Variants in FNDC3B observed in about 807,000 individuals in gnomAD.
FNDC3B encodes fibronectin type III domain containing 3B.
A neutral mutation model predicts 151.5 loss-of-function variants in FNDC3B; 12 were observed. That is an observed-to-expected ratio of 0.08 (90% CI 0.05 to 0.13). The LOEUF is 0.13. Ranked by LOEUF, FNDC3B falls within the 10% of genes least tolerant of loss-of-function variation. FNDC3B has a pLI of 1.00. For synonymous variants in FNDC3B, 528 were observed against 549.0 expected (o/e 0.96, Z 0.54); for missense variants, 1,214 against 1,505.3 (o/e 0.81, Z 3.20).
intron 4 of FNDC3B, among the ~76,000 whole-genome samples, chr3:172,240,759 G>A (rs1465945465): frequency 1.3e-5 from 2 of 152,290 alleles, no homozygotes; most frequent in East Asian, 3.9e-4. Flanking sequence ...ACAGACCACA[G>A]GCACTGACTG....
At chr3:172,347,993 C>T (rs1733690753) in intron 21 of FNDC3B, among the ~76,000 whole-genome samples, 1 of 152,168 alleles carries the variant, frequency 6.6e-6, no homozygotes. Context: ...ATTATTTTTT[C>T]TGTGTAAAGC....
At chr3:172,380,449 C>T (rs182984469) in intron 24 of FNDC3B, among the ~76,000 whole-genome samples, 99 of 152,248 alleles carry the variant, frequency 6.5e-4, no homozygotes, top group Middle Eastern at 3.4e-3. Flanking sequence ...TCACCTGCTC[C>T]TCAAACTTTC....
In FNDC3B at chr3:172,109,413, G is replaced by A. The variant is rs1350004391; in HGVS notation, c.-28-3039G>A. Reference sequence around the variant, plus strand: ...GATCTCCTGACCTCGTGATCCGCCCGCCTCGGCCTCCCAAAGTGCTGGGAT... The same window carrying A: ...GATCTCCTGACCTCGTGATCCGCCCACCTCGGCCTCCCAAAGTGCTGGGAT... On this transcript the variant is annotated intron_variant, in intron 1 of 25. Transcript: ENST00000415807. Among the ~76,000 whole-genome samples the A allele has an allele frequency of 2.7e-5, 4 of 150,462 alleles. No homozygotes were observed. The East Asian group carries it at 5.9e-4, about 22-fold the overall frequency.
chr3:172,371,283 G>C (rs1267790984), intron 23 of FNDC3B, among the ~76,000 whole-genome samples: 1 of 152,014 alleles, frequency 6.6e-6, no homozygotes, highest in Non-Finnish European at 1.5e-5. Flanking sequence ...TATGCTTTAG[G>C]GAATAATAAG....
intron 1 of FNDC3B, among the ~76,000 whole-genome samples, chr3:172,074,514 T>C (rs768702677): frequency 6.6e-6 from 1 of 152,236 alleles, no homozygotes; most frequent in Non-Finnish European, 1.5e-5. Context: ...CTTTTGCATG[T>C]CAGCAGCTTG....
intron 23 of FNDC3B, among the ~76,000 whole-genome samples, chr3:172,371,399 T>C (rs1440215203): frequency 6.6e-6 from 1 of 152,218 alleles, no homozygotes. Context: ...CCTAGGGATA[T>C]GGAGGGCTGA....
chr3:172,298,904 C>T, intron 9 of FNDC3B, 117 bp downstream of exon 9: 1 of 657,666 alleles, frequency 1.5e-6, no homozygotes, highest in Non-Finnish European at 2.6e-6. Flanking sequence ...AGTTGTAGAA[C>T]CATGGCTTAT....
At chr3:172,277,291 A>G (rs2108812081) in intron 6 of FNDC3B, among the ~76,000 whole-genome samples, 1 of 152,352 alleles carries the variant, frequency 6.6e-6, no homozygotes, top group Non-Finnish European at 1.5e-5. Flanking sequence ...TTAAGCAACA[A>G]ACATTTATTT....
At chr3:172,194,446 A>G (rs1435458454) in intron 3 of FNDC3B, among the ~76,000 whole-genome samples, 1 of 152,180 alleles carries the variant, frequency 6.6e-6, no homozygotes, top group African/African-American at 2.4e-5. Flanking sequence ...ATTTAAATGG[A>G]TTTTAAAATC....
At chr3:172,289,545 T>TGA (rs1485210190) in intron 7 of FNDC3B, among the ~76,000 whole-genome samples, 1 of 152,232 alleles carries the variant, frequency 6.6e-6, no homozygotes, top group African/African-American at 2.4e-5. Context: ...AATTAGTTGT[T>TGA]TATGCAGTTT....
chr3:172,044,555 T>A (rs984621392), intron 1 of FNDC3B, among the ~76,000 whole-genome samples: 1 of 152,182 alleles, frequency 6.6e-6, no homozygotes, highest in African/African-American at 2.4e-5. Flanking sequence ...TTCCAGCTCT[T>A]TGAAAATCGT....
chr3:172,165,494 G>A (rs1244494023), intron 3 of FNDC3B, among the ~76,000 whole-genome samples: 1 of 152,134 alleles, frequency 6.6e-6, no homozygotes, highest in African/African-American at 2.4e-5. Context: ...TGTTTTGGTT[G>A]TGTGATTGAA....
At chr3:172,293,205 A>C (rs1730430796) in intron 7 of FNDC3B, among the ~76,000 whole-genome samples, 1 of 152,180 alleles carries the variant, frequency 6.6e-6, no homozygotes, top group Non-Finnish European at 1.5e-5. Context: ...AGTGGGTCCA[A>C]GAGAAGTTGG....
At chr3:172,126,258 C>T (rs1263858627) in intron 2 of FNDC3B, among the ~76,000 whole-genome samples, 12 of 151,780 alleles carry the variant, frequency 7.9e-5, no homozygotes, top group Admixed American at 3.9e-4. Flanking sequence ...TGAGGGTGTG[C>T]GGGAGGAGGG....
chr3:172,247,648 T>C lies in FNDC3B; in HGVS notation c.380T>C (p.Leu127Pro). 1 of 1,614,114 alleles carries C rather than the reference T, an allele frequency of 6.2e-7. No homozygotes were observed. The highest frequency in any genetic ancestry group is 8.5e-7 in the Non-Finnish European group (1 of 1,180,012). The change falls in exon 5 of 26, where the codon CTG becomes CCG. Residue 127 changes from leucine (L) to proline (P), a missense_variant. Physicochemically the swap from Leu to Pro is moderately conservative, Grantham distance 98. Around this residue, in one of 7 missense-constraint regions of FNDC3B, gnomAD observed 113 missense variants for 177.8 expected, o/e 0.64. Transcript: ENST00000415807. Reference protein sequence around the residue: ...MSPTHHLPPYLTHHPHFIHNS... With the variant: ...MSPTHHLPPYPTHHPHFIHNS... The stretch of plus-strand genomic sequence containing the variant: ...CCAACCCATCATCTCCCTCCCTATC[T>C]GACTCACCATCCACATTTTATTCAT...
intron 2 of FNDC3B, among the ~76,000 whole-genome samples, chr3:172,128,616 A>G (rs1720917720): frequency 1.3e-5 from 2 of 152,148 alleles, no homozygotes; most frequent in Non-Finnish European, 2.9e-5. Context: ...TAGTAGCATG[A>G]GGAATAGGTG....
intron 6 of FNDC3B, among the ~76,000 whole-genome samples, chr3:172,258,261 C>T (rs1728465881): frequency 6.6e-6 from 1 of 152,184 alleles, no homozygotes; most frequent in Admixed American, 6.5e-5. Context: ...GACATAGACT[C>T]ACAGGTTCTG....
intron 11 of FNDC3B, 37 bp from the exon 12 acceptor site, chr3:172,328,915 T>TA (rs1732490558): frequency 6.7e-7 from 1 of 1,493,932 alleles, no homozygotes; most frequent in South Asian, 1.3e-5. Context: ...GTTTTTTTTT[T>TA]TTTAAGTATA....
intron 3 of FNDC3B, among the ~76,000 whole-genome samples, chr3:172,171,846 A>G (rs1250927067): frequency 6.6e-6 from 1 of 152,072 alleles, no homozygotes; most frequent in Non-Finnish European, 1.5e-5. Context: ...AGATGTGTAC[A>G]GGGTTTTACC....
Sources: allele counts gnomAD v4.1 joint callset (sites outside exome capture counted in the v4.1 genomes callset), GRCh38; gene constraint gnomAD v4.1.1; regional missense constraint gnomAD v4.1.1; transcripts MANE v1.5; gene names NCBI Gene and HGNC (gene_info 2026-07-23, HGNC 2026-07-21).